NBPF9: variants seen among roughly 807,000 people sequenced by gnomAD.
The protein encoded by NBPF9 is NBPF family member NBPF9.
NBPF9 carries 91 observed loss-of-function variants against 97.8 expected under a neutral mutation model. The observed-to-expected ratio is 0.93, with a 90% CI of 0.79 to 1.11. The LOEUF (loss-of-function observed/expected upper bound fraction) is 1.11. NBPF9 is among the 50% of genes least tolerant of loss of function. NBPF9 has a pLI of 0.00. For missense variants in NBPF9, 992 were observed against 939.5 expected, an observed-to-expected ratio of 1.06 and a Z score of -0.73; for synonymous variants, 334 against 359.5, an observed-to-expected ratio of 0.93 and a Z score of 0.80.
At chr1:149,090,083 T>C (rs2081320055) in intron 5 of NBPF9, 1 of 151,342 alleles carries the variant, frequency 6.6e-6, no homozygotes, top group Non-Finnish European at 1.5e-5. Context: ...TTCTCCTTCA[T>C]CATAAAAGAA....
Position 149,055,904 on chromosome 1 carries a change from A to G in NBPF9, c.3093-5T>C. On this transcript the variant is annotated splice_region_variant and splice_polypyrimidine_tract_variant and intron_variant, in intron 29 of 29. Transcript: ENST00000584027. ...TCCATCAGCACGCCGTTGAGCCTGG[A>G]AAAGGAGACAAAACTAAAGAAGCAG... 1 of 1,611,802 alleles carries G rather than the reference A, an allele frequency of 6.2e-7. No individual in the cohort carries two copies. The highest frequency in any genetic ancestry group is 8.5e-7 in the Non-Finnish European group (1 of 1,179,838).
intron 4 of NBPF9, among the ~76,000 whole-genome samples, chr1:149,097,590 T>C (rs1223149741): frequency 0.025 from 3,852 of 151,686 alleles, 42 homozygotes; most frequent in Non-Finnish European, 0.032. Context: ...CTTCCCTCCT[T>C]GCACTGGCTC....
intron 26 of NBPF9, 60 bp from the exon 27 acceptor site, chr1:149,058,275 T>C (rs1227041414): frequency 1.6e-4 from 52 of 328,324 alleles, no homozygotes; most frequent in Admixed American, 5.5e-5. Context: ...CCCATAACAG[T>C]CCACTGTCTA....
chr1:149,089,675 C>CG (rs1185022675), intron 5 of NBPF9, among the ~76,000 whole-genome samples: 3 of 152,306 alleles, frequency 2.0e-5, no homozygotes, highest in Non-Finnish European at 4.4e-5. Flanking sequence ...TGCTCATATT[C>CG]GGAAAAGACA....
intron 8 of NBPF9, among the ~76,000 whole-genome samples, chr1:149,079,490 C>T (rs879139295): frequency 6.7e-6 from 1 of 150,332 alleles, no homozygotes; most frequent in African/African-American, 2.5e-5. Flanking sequence ...TCCTAATTCC[C>T]TTTCAGAAAG....
intron 19 of NBPF9, among the ~76,000 whole-genome samples, chr1:149,064,067 C>G (rs2078851658): frequency 7.3e-6 from 1 of 136,784 alleles, no homozygotes; most frequent in South Asian, 2.4e-4. Flanking sequence ...GGTCAGGTGA[C>G]ACACTGATGA....
chr1:149,075,999 C>T, intron 11 of NBPF9, 135 bp from the exon 12 acceptor site: 1 of 808,756 alleles, frequency 1.2e-6, no homozygotes, highest in Admixed American at 1.9e-5. Flanking sequence ...TCACTCTTGT[C>T]ATCTCCAGTC....
Position 149,062,137 on chromosome 1 carries a change from TA to T in NBPF9, c.2206del (p.Tyr736ThrfsTer41). ...GCCAAGGTACTGTTCCTCCAATGAGTAAACAGCACTGCTGTAGGGCTGGCCT... is the reference window on the plus strand; with the variant it reads ...GCCAAGGTACTGTTCCTCCAATGAGTAACAGCACTGCTGTAGGGCTGGCCT... On this transcript the variant is annotated frameshift_variant, in exon 22 of 30. Coordinates refer to ENST00000584027, the Ensembl canonical transcript of NBPF9. LOFTEE classifies it high-confidence loss of function. 9.5e-7 allele frequency: 1 copy of T among 1,051,780 alleles called. No homozygotes were observed. The highest frequency in any genetic ancestry group is 1.5e-6 in the Non-Finnish European group (1 of 677,454). 65.2% of individuals were successfully genotyped at this position (1,051,780 alleles called of 1,614,324 possible).
rs1222721228 is a variant in NBPF9, at chr1:149,061,798, G to C, written c.2251+295C>G. On this transcript the variant is annotated intron_variant, in intron 22 of 29. Coordinates refer to ENST00000584027, the Ensembl canonical transcript of NBPF9. ...TGAAGGAGGAAATCTACAAACCCTT[G>C]AGTCCAAATCATACTTCTGTGAATT... The C allele has an allele frequency of 6.1e-4, 186 of 306,104 alleles. 9 individuals are homozygous for C. Among genetic ancestry groups the C allele is most frequent in the East Asian group, 2.8e-3 (42 of 15,130 alleles). The allele number at this position is 306,104 out of a possible 1,614,324, so 19.0% of individuals were successfully genotyped here. A position where few individuals can be genotyped will look rare whatever the true frequency, so the allele number is the denominator to read the frequency against.
At chr1:149,055,622 C>T (rs782161304) in exon 30 of NBPF9, 1 of 1,611,566 alleles carries the variant, frequency 6.2e-7, no homozygotes, top group East Asian at 2.2e-5. Flanking sequence ...GTCCTGCCTG[C>T]AGGAATGACA....
chr1:149,071,235 G>C (rs1331712781), intron 15 of NBPF9, 96 bp from the exon 16 acceptor site: 8 of 1,244,006 alleles, frequency 6.4e-6, no homozygotes, highest in Non-Finnish European at 8.1e-6. Flanking sequence ...GGCATTAAGA[G>C]AGTGGTCCCA....
In NBPF9 at chr1:149,072,547, C is replaced by T. The variant is rs587756952; in HGVS notation, c.1306+171G>A. On this transcript the variant is annotated intron_variant, in intron 14 of 29. Transcript: ENST00000584027. ...CACTTGCAATAATGTGACCTCCAAC[C>T]CCATGGGTTTCCCATCTCCGTTCTT... Among the ~76,000 whole-genome samples the T allele has an allele frequency of 7.6e-4, 115 of 152,246 alleles. 2 individuals are homozygous for T. Among genetic ancestry groups the T allele is most frequent in the Middle Eastern group, 3.4e-3 (1 of 294 alleles).
exon 7 of NBPF9, chr1:149,082,047 G>C (rs369936835): frequency 6.1e-5 from 99 of 1,610,922 alleles, no homozygotes; most frequent in South Asian, 1.3e-4. Flanking sequence ...ACTGCTGTTT[G>C]TTCTCTGCCA....
At chr1:149,071,414 A>T (rs587693047) in intron 15 of NBPF9, among the ~76,000 whole-genome samples, 190 bp downstream of exon 15, 1 of 148,744 alleles carries the variant, frequency 6.7e-6, no homozygotes, top group Non-Finnish European at 1.5e-5. Context: ...TACGGTGCAG[A>T]CATGACACTC....
exon 30 of NBPF9, chr1:149,055,843 T>C (rs781812137): frequency 2.5e-6 from 4 of 1,606,114 alleles, no homozygotes; most frequent in Admixed American, 1.7e-5. Context: ...ATAACATCCA[T>C]CCAGTGAGTC....
exon 7 of NBPF9, chr1:149,082,159 G>A: frequency 6.2e-7 from 1 of 1,612,108 alleles, no homozygotes; most frequent in Non-Finnish European, 8.5e-7. Flanking sequence ...TGTGGCAGAA[G>A]AGGTGGGGCC....
At chr1:149,089,246 G>A (rs1483421200) in intron 5 of NBPF9, among the ~76,000 whole-genome samples, 1 of 152,126 alleles carries the variant, frequency 6.6e-6, no homozygotes, top group African/African-American at 2.4e-5. Flanking sequence ...ATTTCTTAAT[G>A]CCTTGGTGAG....
intron 3 of NBPF9, among the ~76,000 whole-genome samples, chr1:149,099,056 G>GA (rs1323957317): frequency 1.7e-4 from 25 of 145,882 alleles, no homozygotes; most frequent in South Asian, 2.2e-4. Flanking sequence ...CAGCCTGGGG[G>GA]AAAAAAAAAT....
chr1:149,092,860 G>A, intron 4 of NBPF9: 2 of 732,272 alleles, frequency 2.7e-6, no homozygotes, highest in South Asian at 1.2e-4. Flanking sequence ...ATTTCTGGAA[G>A]AATAAAAATG....
Sources: gnomAD v4.1 joint callset for allele counts (sites outside exome capture counted in the v4.1 genomes callset) on GRCh38, gnomAD v4.1.1 for gene constraint, MANE v1.5 for transcripts, NCBI Gene and HGNC (gene_info 2026-07-23, HGNC 2026-07-21) for gene names.